WNK3: variants seen among roughly 807,000 people sequenced by gnomAD.
The protein encoded by WNK3 is WNK lysine deficient protein kinase 3.
In WNK3, 18 loss-of-function variants were observed where a neutral mutation model predicts 116.7. That is an observed-to-expected ratio of 0.15 (90% CI 0.11 to 0.23). The LOEUF (loss-of-function observed/expected upper bound fraction) is 0.23. Among genes scored for constraint, WNK3 ranks in the 10% least tolerant of loss-of-function variants. The pLI is 1.00. For synonymous variants in WNK3, 404 were observed against 469.4 expected, an observed-to-expected ratio of 0.86 and a Z score of 1.80; for missense variants, 993 against 1,323.8, an observed-to-expected ratio of 0.75 and a Z score of 3.88.
chrX:54,237,326 T>C (rs782563888), exon 20 of WNK3: 2 of 1,210,526 alleles, frequency 1.7e-6, no homozygotes, highest in African/African-American at 3.5e-5. Context: ...TCACCTTGTT[T>C]GGGAACTCCT....
chrX:54,342,970 T>A (rs1194993239), intron 1 of WNK3, among the ~76,000 whole-genome samples: 2 of 111,058 alleles, frequency 1.8e-5, no homozygotes, highest in Non-Finnish European at 3.8e-5. Context: ...CACCTCAGCA[T>A]CCCGAGTAGC....
chrX:54,215,316 G>T (rs550034604), intron 22 of WNK3, among the ~76,000 whole-genome samples: 2 of 110,708 alleles, frequency 1.8e-5, no homozygotes, highest in African/African-American at 6.6e-5. Flanking sequence ...TCAGCCTGCC[G>T]AGTGCCTGGG....
In WNK3 at chrX:54,274,019, G is replaced by A. The variant is rs782167109; in HGVS notation, c.2038-14681C>T. On this transcript the variant is annotated intron_variant, in intron 10 of 23. Transcript: ENST00000354646. ...CTCCTCTACAGTAACTGGCAGCAAG[G>A]CAGGCTACTGTAAGTAAACAAATCA... Among the ~76,000 whole-genome samples, 19 of 111,351 alleles carry A rather than the reference G, an allele frequency of 1.7e-4. No homozygotes were observed. The South Asian group carries it at 7.3e-3, about 43-fold the overall frequency.
At chrX:54,290,625 C>A (rs111862649) in intron 10 of WNK3, among the ~76,000 whole-genome samples, 2 of 111,654 alleles carry the variant, frequency 1.8e-5, no homozygotes, top group African/African-American at 3.2e-5. Context: ...TCTTATTTAT[C>A]GCAATTTACT....
chrX:54,330,763 G>A (rs2069159729), intron 2 of WNK3, among the ~76,000 whole-genome samples: 1 of 111,827 alleles, frequency 8.9e-6, no homozygotes, highest in South Asian at 3.7e-4. Flanking sequence ...AGGGCAACAC[G>A]GCAAAACCCA....
chrX:54,211,116 G>T (rs986811242), intron 22 of WNK3, among the ~76,000 whole-genome samples: 2 of 111,685 alleles, frequency 1.8e-5, no homozygotes, highest in Non-Finnish European at 3.8e-5. Flanking sequence ...GGAGATCTGA[G>T]AAGTGAGATA....
intron 10 of WNK3, among the ~76,000 whole-genome samples, chrX:54,266,599 G>A (rs781841247): frequency 1.6e-3 from 176 of 110,537 alleles, no homozygotes; most frequent in Middle Eastern, 4.8e-3. Context: ...GTGCAATAAT[G>A]TGATTAAGAC....
intron 19 of WNK3, 127 bp downstream of exon 19, chrX:54,238,215 A>G (rs1322129648): frequency 1.2e-6 from 1 of 814,588 alleles, no homozygotes; most frequent in Non-Finnish European, 1.7e-6. Context: ...CTGGGCAACA[A>G]GAGTGAAACT....
exon 14 of WNK3, chrX:54,251,641 T>C: frequency 8.3e-7 from 1 of 1,211,177 alleles, no homozygotes; most frequent in Non-Finnish European, 1.1e-6. Context: ...TCTCAATTCT[T>C]CTACAAATTT....
At chrX:54,350,998 T>C (rs1301478795) in intron 1 of WNK3, among the ~76,000 whole-genome samples, 1 of 109,215 alleles carries the variant, frequency 9.2e-6, no homozygotes, top group African/African-American at 3.3e-5. Flanking sequence ...CTATTTGTGT[T>C]AAAAAAAAAC....
chrX:54,295,838 C>A (rs1194403580), intron 7 of WNK3, among the ~76,000 whole-genome samples: 2 of 111,057 alleles, frequency 1.8e-5, no homozygotes, highest in Non-Finnish European at 3.8e-5. Flanking sequence ...CAGGCATGCA[C>A]CACCACACCT....
chrX:54,215,831 C>T (rs1055878750), intron 22 of WNK3, among the ~76,000 whole-genome samples: 5 of 111,153 alleles, frequency 4.5e-5, no homozygotes, highest in East Asian at 2.8e-4. Context: ...GCGGTTTTGT[C>T]GACTAGAAAA....
chrX:54,298,089 T>C, intron 7 of WNK3, 86 bp downstream of exon 7: 1 of 678,491 alleles, frequency 1.5e-6, no homozygotes, highest in Non-Finnish European at 2.3e-6. Flanking sequence ...AAGGAGAAAA[T>C]GAGAGGAAAG....
exon 24 of WNK3, chrX:54,198,253 A>G (rs2067464542): frequency 4.3e-6 from 4 of 931,779 alleles, no homozygotes; most frequent in East Asian, 6.7e-5. Context: ...AAGAGGAAGA[A>G]ACTTTAATAT....
At chrX:54,222,971 A>C (rs1159140678) in intron 22 of WNK3, among the ~76,000 whole-genome samples, 1 of 102,057 alleles carries the variant, frequency 9.8e-6, no homozygotes, top group African/African-American at 3.6e-5. Context: ...TAAATGCTAC[A>C]TTGGAAAATA....
chrX:54,305,105 C>A (rs1385292531), intron 5 of WNK3, among the ~76,000 whole-genome samples: 3 of 110,526 alleles, frequency 2.7e-5, no homozygotes, highest in Admixed American at 9.8e-5. Flanking sequence ...GAGCTGAGAT[C>A]GTACCACTGC....
chrX:54,284,145 T>C (rs1314242080), intron 10 of WNK3, among the ~76,000 whole-genome samples: 2 of 111,518 alleles, frequency 1.8e-5, no homozygotes, highest in Non-Finnish European at 3.8e-5. Context: ...TTATAAAACA[T>C]GTATCTGACA....
chrX:54,283,404 T>C (rs910158507), intron 10 of WNK3, among the ~76,000 whole-genome samples: 8 of 111,900 alleles, frequency 7.1e-5, no homozygotes, highest in Non-Finnish European at 1.3e-4. Flanking sequence ...TCAACATCAT[T>C]AGTCTTCAGA....
intron 1 of WNK3, among the ~76,000 whole-genome samples, chrX:54,336,657 G>T (rs1201819136): frequency 9.0e-6 from 1 of 111,143 alleles, no homozygotes; most frequent in African/African-American, 3.3e-5. Flanking sequence ...ATAGACACCA[G>T]GGACTTCTAT....
Sources: gnomAD v4.1 joint callset for allele counts (sites outside exome capture counted in the v4.1 genomes callset) on GRCh38, gnomAD v4.1.1 for gene constraint, MANE v1.5 for transcripts, NCBI Gene and HGNC (gene_info 2026-07-23, HGNC 2026-07-21) for gene names.